CDH11: variants seen among roughly 807,000 people sequenced by gnomAD.
CDH11 encodes the protein cadherin 11.
In CDH11, 11 loss-of-function variants were observed where a neutral mutation model predicts 67.8. The ratio of observed to expected loss-of-function variants is 0.16; its 90% CI spans 0.10 to 0.27. The LOEUF is 0.27. Ranked by LOEUF, CDH11 falls within the 10% of genes least tolerant of loss-of-function variation. The pLI is 1.00. For missense variants in CDH11, 847 were observed against 1,031.2 expected (o/e 0.82, Z 2.45); for synonymous variants, 419 against 400.0 (o/e 1.05, Z -0.57).
At chr16:65,064,374 G>A (rs1435990005) in intron 1 of CDH11, among the ~76,000 whole-genome samples, 4 of 152,202 alleles carry the variant, frequency 2.6e-5, no homozygotes, top group Non-Finnish European at 5.9e-5. Flanking sequence ...GTGATAATAT[G>A]TGCACATCAC....
chr16:65,074,993 C>G (rs892893967), intron 1 of CDH11, among the ~76,000 whole-genome samples: 1 of 152,150 alleles, frequency 6.6e-6, no homozygotes, highest in African/African-American at 2.4e-5. Flanking sequence ...GTTCCTCCTG[C>G]TGTCTCAAAT....
chr16:64,975,874 A>G (rs1431449756), intron 8 of CDH11, among the ~76,000 whole-genome samples: 2 of 152,220 alleles, frequency 1.3e-5, no homozygotes, highest in African/African-American at 4.8e-5. Flanking sequence ...AATTATTTAA[A>G]AAATTAAAAA....
intron 2 of CDH11, among the ~76,000 whole-genome samples, chr16:65,044,265 CA>C (rs769750993): frequency 2.6e-5 from 4 of 152,136 alleles, no homozygotes; most frequent in Non-Finnish European, 4.4e-5. Flanking sequence ...AACTTGAAGA[CA>C]ACTAATTGGC....
chr16:65,070,150 G>A (rs2074391516), intron 1 of CDH11, among the ~76,000 whole-genome samples: 1 of 152,152 alleles, frequency 6.6e-6, no homozygotes, highest in African/African-American at 2.4e-5. Context: ...GAACAATCAA[G>A]AGGTAAGTAA....
At chr16:65,038,717 T>A (rs183797512) in intron 2 of CDH11, among the ~76,000 whole-genome samples, 7 of 152,242 alleles carry the variant, frequency 4.6e-5, no homozygotes, top group Admixed American at 4.6e-4. Flanking sequence ...AAAATAGAGA[T>A]GAAGGCACAG....
At chr16:65,117,298 A>T (rs1410211361) in intron 1 of CDH11, among the ~76,000 whole-genome samples, 1 of 152,202 alleles carries the variant, frequency 6.6e-6, no homozygotes, top group African/African-American at 2.4e-5. Context: ...GACAAAAAAC[A>T]CAAATAAGTA....
Position 65,116,755 on chromosome 16 carries a change from T to G in CDH11, c.-298+5125A>C, listed in dbSNP as rs554815406. On this transcript the variant is annotated intron_variant, in intron 1 of 12. Coordinates refer to ENST00000268603, the MANE Select transcript of CDH11 (RefSeq NM_001797.4). ...AGCTCTTCAATTGGCTTAATAAGGA[T>G]AGAGAGAGAGAGAGAGAGGTACGAA... 5.1e-3 allele frequency among the ~76,000 whole-genome samples: 764 copies of G among 150,180 alleles called. 7 individuals carry two copies. Among genetic ancestry groups the G allele is most frequent in the African/African-American group, 0.018 (737 of 41,084 alleles).
At chr16:65,001,800 TAA>T (rs34584816) in intron 3 of CDH11, among the ~76,000 whole-genome samples, 1 of 143,114 alleles carries the variant, frequency 7.0e-6, no homozygotes, top group African/African-American at 2.6e-5. Flanking sequence ...ACACACACAT[TAA>T]AAAAAAAAAC....
chr16:64,948,384 A>G (rs2071250755), intron 12 of CDH11, among the ~76,000 whole-genome samples: 1 of 152,222 alleles, frequency 6.6e-6, no homozygotes, highest in Non-Finnish European at 1.5e-5. Flanking sequence ...TTTAGGAGTC[A>G]TCTTCCTAAG....
At chr16:64,965,237 C>G (rs1216972143) in intron 11 of CDH11, among the ~76,000 whole-genome samples, 1 of 132,502 alleles carries the variant, frequency 7.5e-6, no homozygotes, top group Non-Finnish European at 1.6e-5. Context: ...AAAAAATTAG[C>G]CGGGTGTGCT....
At chr16:64,960,178 G>T (rs955892482) in intron 11 of CDH11, among the ~76,000 whole-genome samples, 1 of 152,142 alleles carries the variant, frequency 6.6e-6, no homozygotes, top group Non-Finnish European at 1.5e-5. Context: ...ATGGATGAAA[G>T]AATGCAAGGG....
At chr16:65,079,554 A>G (rs1190714833) in intron 1 of CDH11, among the ~76,000 whole-genome samples, 1 of 152,038 alleles carries the variant, frequency 6.6e-6, no homozygotes, top group Non-Finnish European at 1.5e-5. Flanking sequence ...TGTGTCTCCA[A>G]TTCTCTAGGA....
At chr16:65,012,254 C>T (rs1381277175) in intron 2 of CDH11, among the ~76,000 whole-genome samples, 1 of 152,192 alleles carries the variant, frequency 6.6e-6, no homozygotes, top group African/African-American at 2.4e-5. Flanking sequence ...CCACAACTTC[C>T]AATGCCTGGA....
intron 1 of CDH11, among the ~76,000 whole-genome samples, chr16:65,067,683 G>C (rs1459995406): frequency 6.7e-6 from 1 of 150,346 alleles, no homozygotes; most frequent in African/African-American, 2.4e-5. Context: ...ATGTAAAGGT[G>C]AGACAGAGAA....
At chr16:65,092,516 C>G (rs1219746303) in intron 1 of CDH11, among the ~76,000 whole-genome samples, 1 of 152,136 alleles carries the variant, frequency 6.6e-6, no homozygotes, top group Non-Finnish European at 1.5e-5. Flanking sequence ...GTACCACTTG[C>G]ACACCAAGCT....
intron 1 of CDH11, among the ~76,000 whole-genome samples, chr16:65,065,262 C>T (rs6498973): frequency 0.063 from 9,566 of 152,218 alleles, 554 homozygotes; most frequent in African/African-American, 0.16. Flanking sequence ...CTCCCTGTGA[C>T]GCATGCCGTG....
intron 2 of CDH11, among the ~76,000 whole-genome samples, chr16:65,034,511 T>C (rs536100339): frequency 6.6e-6 from 1 of 152,134 alleles, no homozygotes; most frequent in Non-Finnish European, 1.5e-5. Context: ...CCATGAGTAC[T>C]AGGTTCAAAG....
chr16:65,089,388 T>C (rs1329083364), intron 1 of CDH11, among the ~76,000 whole-genome samples: 1 of 152,206 alleles, frequency 6.6e-6, no homozygotes, highest in Non-Finnish European at 1.5e-5. Flanking sequence ...CATTCTATAT[T>C]TGAATAATAG....
chr16:64,978,138 G>GA (rs1304798628), intron 8 of CDH11, among the ~76,000 whole-genome samples: 2 of 152,182 alleles, frequency 1.3e-5, no homozygotes, highest in African/African-American at 4.8e-5. Flanking sequence ...ATAAATGTGT[G>GA]AATAAGATGT....
Sources: allele counts gnomAD v4.1 joint callset (sites outside exome capture counted in the v4.1 genomes callset), GRCh38; gene constraint gnomAD v4.1.1; transcripts MANE v1.5; gene names NCBI Gene and HGNC (gene_info 2026-07-23, HGNC 2026-07-21).